TBC1D30: variants seen among roughly 807,000 people sequenced by gnomAD.
TBC1D30 encodes the protein TBC1 domain family member 30.
A neutral mutation model predicts 63.2 loss-of-function variants in TBC1D30; 31 were observed. The ratio of observed to expected loss-of-function variants is 0.49; its 90% CI spans 0.37 to 0.66. The LOEUF is 0.66. Among genes scored for constraint, TBC1D30 ranks in the 30% least tolerant of loss-of-function variants. The pLI is 0.00. For synonymous variants in TBC1D30, 307 were observed against 361.5 expected, an observed-to-expected ratio of 0.85 and a Z score of 1.71; for missense variants, 810 against 953.6, an observed-to-expected ratio of 0.85 and a Z score of 1.98.
chr12:64,806,874 T>G (rs762413415), intron 2 of TBC1D30, among the ~76,000 whole-genome samples: 5 of 152,226 alleles, frequency 3.3e-5, no homozygotes, highest in Non-Finnish European at 7.3e-5. Flanking sequence ...GACTGACACA[T>G]GCTGTGACAT....
Position 64,818,128 on chromosome 12 carries a change from T to A in TBC1D30, c.644-9707T>A, listed in dbSNP as rs377383054. Among the ~76,000 whole-genome samples, 262 of 152,002 alleles carry A rather than the reference T, an allele frequency of 1.7e-3. 8 individuals carry two copies. In the South Asian group the frequency reaches 0.051, roughly 30 times the overall value. On this transcript the variant is annotated intron_variant, in intron 2 of 12. Coordinates refer to the TBC1D30 transcript ENST00000542120. ...TGGGGAATCTCAGCTAAATGGTTCA[T>A]CATGACCAGGTTAAACAGTTATTTC...
intron 1 of TBC1D30, among the ~76,000 whole-genome samples, chr12:64,826,809 G>T (rs532677029): frequency 7.2e-5 from 11 of 152,194 alleles, no homozygotes; most frequent in African/African-American, 2.2e-4. Flanking sequence ...ACCCAACTCA[G>T]GAATTTACAG....
intron 2 of TBC1D30, among the ~76,000 whole-genome samples, chr12:64,810,650 TA>T (rs1177426280): frequency 6.6e-6 from 1 of 152,040 alleles, no homozygotes; most frequent in Non-Finnish European, 1.5e-5. Context: ...ACTACTGACC[TA>T]ATGCTATGTA....
intron 2 of TBC1D30, among the ~76,000 whole-genome samples, chr12:64,804,940 C>T (rs1044551840): frequency 8.5e-5 from 13 of 152,168 alleles, no homozygotes; most frequent in African/African-American, 3.1e-4. Context: ...GTGGCTCACA[C>T]CTGTAATCCC....
rs992986495 is a variant in TBC1D30 at position 64,780,780 on chromosome 12, G to A, written c.-29G>A. On this transcript the variant is annotated 5_prime_UTR_variant, in exon 1 of 13. Transcript: ENST00000542120. The stretch of plus-strand genomic sequence containing the variant: ...GGCGCCGCGAGGCGGGAGGAGCAGC[G>A]GGAGCCGGGCAGCCGCGCGCCGGGG... The A allele has an allele frequency of 8.1e-6, 8 of 988,790 alleles. No individual in the cohort carries two copies. In the Admixed American group the frequency reaches 2.5e-4, roughly 30 times the overall value. 61.3% of individuals were successfully genotyped at this position (988,790 alleles called of 1,614,324 possible).
rs557765016 is a variant in TBC1D30 at position 64,813,256 on chromosome 12, G to T, written c.644-14579G>T. Among the ~76,000 whole-genome samples, 12 of 152,180 alleles carry T rather than the reference G, an allele frequency of 7.9e-5. 1 individual carries two copies. In the South Asian group the frequency reaches 2.1e-3, roughly 26 times the overall value. On this transcript the variant is annotated intron_variant, in intron 2 of 12. Transcript: ENST00000542120. ...AATACAAAAATTAGCCGGATGTGGT[G>T]GTGCACGCCTGTAGTCCCAGCTACT...
chr12:64,852,383 A>T (rs1335971724), intron 8 of TBC1D30, among the ~76,000 whole-genome samples: 3 of 152,048 alleles, frequency 2.0e-5, no homozygotes, highest in Non-Finnish European at 4.4e-5. Context: ...TAAACTGGTT[A>T]TTCTAGTTAG....
chr12:64,838,428 A>G (rs758104735), intron 6 of TBC1D30, among the ~76,000 whole-genome samples: 5 of 152,236 alleles, frequency 3.3e-5, no homozygotes, highest in Admixed American at 6.5e-5. Flanking sequence ...TCACTACAAT[A>G]GGTAGAGCCA....
chr12:64,791,497 G>A (rs1871917409), intron 2 of TBC1D30, among the ~76,000 whole-genome samples: 1 of 152,110 alleles, frequency 6.6e-6, no homozygotes, highest in South Asian at 2.1e-4. Context: ...TTCAAGTGAT[G>A]TTTTGTTGTT....
Position 64,880,317 on chromosome 12 carries a change from ATGTC to A in TBC1D30, c.*4532_*4535del, listed in dbSNP as rs1472395186. 1.3e-5 allele frequency: 2 copies of A among 152,306 alleles called. No individual in the cohort carries two copies. Among genetic ancestry groups the A allele is most frequent in the Non-Finnish European group, 2.9e-5 (2 of 68,096 alleles). The allele number at this position is 152,306 out of a possible 1,614,324, so 9.4% of individuals were successfully genotyped here. The stretch of plus-strand genomic sequence containing the variant: ...CCTGCTGGCCATCTCCCAATGCTGA[ATGTC>A]TGACTCAGTTCAGGCTGCTGTAACA... On this transcript the variant is annotated 3_prime_UTR_variant, in exon 12 of 12. Transcript: ENST00000539867.
chr12:64,795,768 A>G (rs1193176240), intron 2 of TBC1D30, among the ~76,000 whole-genome samples: 3 of 138,124 alleles, frequency 2.2e-5, no homozygotes, highest in East Asian at 4.1e-4. Flanking sequence ...TTATCTTTAC[A>G]ATATTTTTAG....
intron 8 of TBC1D30, among the ~76,000 whole-genome samples, chr12:64,854,836 C>A (rs1200336056): frequency 6.6e-6 from 1 of 152,142 alleles, no homozygotes; most frequent in Non-Finnish European, 1.5e-5. Context: ...AGTTAATATA[C>A]CACAATTACA....
At chr12:64,760,909 TA>T (rs2136263183) in intron 1 of TBC1D30, among the ~76,000 whole-genome samples, 1 of 151,710 alleles carries the variant, frequency 6.6e-6, no homozygotes, top group African/African-American at 2.4e-5. Context: ...AGGTTTGAGG[TA>T]GGGGTGGTAA....
chr12:64,772,505 C>G (rs1429129738), intron 1 of TBC1D30, among the ~76,000 whole-genome samples: 3 of 152,032 alleles, frequency 2.0e-5, no homozygotes, highest in African/African-American at 7.2e-5. Context: ...TCTCGGCTTA[C>G]TGCAACCTCC....
intron 2 of TBC1D30, among the ~76,000 whole-genome samples, chr12:64,797,097 T>C (rs915075223): frequency 3.3e-5 from 5 of 150,930 alleles, no homozygotes; most frequent in Admixed American, 6.6e-5. Context: ...TTGGAATCAC[T>C]TGAAAAATTT....
At chr12:64,842,728 G>C (rs1875988982) in intron 7 of TBC1D30, among the ~76,000 whole-genome samples, 1 of 152,178 alleles carries the variant, frequency 6.6e-6, no homozygotes, top group African/African-American at 2.4e-5. Flanking sequence ...GTCCCTTAAA[G>C]GAGATAATTG....
chr12:64,783,074 C>G (rs1348929185), intron 1 of TBC1D30, among the ~76,000 whole-genome samples: 1 of 152,194 alleles, frequency 6.6e-6, no homozygotes, highest in African/African-American at 2.4e-5. Context: ...TATAACTACT[C>G]TGCATTCAGT....
In TBC1D30 at chr12:64,875,983, A is replaced by G; in HGVS notation, c.*195A>G. 3.8e-6 allele frequency: 2 copies of G among 532,910 alleles called. No homozygotes were observed. The allele number at this position is 532,910 out of a possible 1,614,324, so 33.0% of individuals were successfully genotyped here. ...GGGCTGTTTTCCCAGCTACTTGCTA[A>G]CTGACGAAGTGGATTCTTGTGGCAA... On this transcript the variant is annotated 3_prime_UTR_variant, in exon 12 of 12. Coordinates refer to ENST00000539867, the MANE Select transcript of TBC1D30 (RefSeq NM_015279.2).
upstream of TBC1D30, chr12:64,824,543 G>T: frequency 4.0e-6 from 1 of 250,482 alleles, no homozygotes; most frequent in Non-Finnish European, 7.6e-6. Flanking sequence ...CCCCGCCTGC[G>T]CACGGCGGTG....
Sources: allele counts gnomAD v4.1 joint callset (sites outside exome capture counted in the v4.1 genomes callset), GRCh38; gene constraint gnomAD v4.1.1; transcripts MANE v1.5; gene names NCBI Gene and HGNC (gene_info 2026-07-23, HGNC 2026-07-21).